The following WDR26 variants were observed in gnomAD, a reference collection of about 807,000 sequenced individuals.
WDR26 encodes the protein WD repeat domain 26, also known as WD repeat-containing protein 26.
A neutral mutation model predicts 84.1 loss-of-function variants in WDR26; 5 were observed. The observed-to-expected ratio is 0.06, with a 90% CI of 0.03 to 0.13. The LOEUF is 0.13. WDR26 is among the 10% of genes least tolerant of loss of function. WDR26 has a pLI of 1.00. For missense variants in WDR26, 642 were observed against 974.9 expected, an observed-to-expected ratio of 0.66 and a Z score of 4.55; for synonymous variants, 415 against 389.6, an observed-to-expected ratio of 1.07 and a Z score of -0.77.
chr1:224,392,361 A>C (rs890602858), intron 13 of WDR26, among the ~76,000 whole-genome samples: 3 of 152,134 alleles, frequency 2.0e-5, no homozygotes, highest in African/African-American at 7.2e-5. Flanking sequence ...GTCTCAAAAA[A>C]AAAAAAGAAA....
chr1:224,422,683 C>T (rs1674097674), intron 4 of WDR26, among the ~76,000 whole-genome samples: 1 of 148,826 alleles, frequency 6.7e-6, no homozygotes, highest in Non-Finnish European at 1.5e-5. Flanking sequence ...CATTGCACCC[C>T]AGCCTGGGTG....
intron 8 of WDR26, among the ~76,000 whole-genome samples, chr1:224,402,930 TATC>T (rs1413695976): frequency 6.6e-6 from 1 of 152,222 alleles, no homozygotes; most frequent in Admixed American, 6.5e-5. Context: ...TGTTCTTAGA[TATC>T]ATAATGTTTG....
chr1:224,393,318 A>G (rs560495916), intron 13 of WDR26, among the ~76,000 whole-genome samples: 1 of 152,328 alleles, frequency 6.6e-6, no homozygotes, highest in East Asian at 1.9e-4. Flanking sequence ...CTTGGCACAC[A>G]GGTACATGAT....
At chr1:224,392,311 AGATC>A (rs1427588877) in intron 13 of WDR26, among the ~76,000 whole-genome samples, 2 of 151,918 alleles carry the variant, frequency 1.3e-5, no homozygotes, top group African/African-American at 4.8e-5. Context: ...CAGTGAGCCG[AGATC>A]GCACCACTGT....
chr1:224,389,759 G>T lies in WDR26; in HGVS notation c.*76C>A. ...GTCTGTCCAGCTATCAATCATGTTT[G>T]TTTGCACCAAATCCCAAGCCATTAA... is the stretch of plus-strand genomic sequence containing the variant. On this transcript the variant is annotated 3_prime_UTR_variant, in exon 14 of 14. Coordinates refer to ENST00000414423, the MANE Select transcript of WDR26 (RefSeq NM_001379403.1). 3 of 1,403,714 alleles carry T rather than the reference G, an allele frequency of 2.1e-6. No individual in the cohort carries two copies. Among genetic ancestry groups the T allele is most frequent in the Non-Finnish European group, 1.0e-6 (1 of 990,806 alleles). 87.0% of individuals were successfully genotyped at this position (1,403,714 alleles called of 1,614,324 possible). A position where few individuals can be genotyped will look rare whatever the true frequency, so the allele number is the denominator to read the frequency against.
chr1:224,414,168 C>T (rs1193488279), intron 6 of WDR26, among the ~76,000 whole-genome samples: 2 of 149,230 alleles, frequency 1.3e-5, no homozygotes, highest in South Asian at 2.1e-4. Flanking sequence ...TGCAGTGGCA[C>T]GATCTCGGCT....
intron 13 of WDR26, among the ~76,000 whole-genome samples, chr1:224,391,319 C>T (rs1426120467): frequency 1.0e-4 from 15 of 144,376 alleles, no homozygotes; most frequent in Admixed American, 9.2e-4. Flanking sequence ...GCCGAGATTG[C>T]GCCATTGCAC....
At chr1:224,415,755 C>A (rs978672382) in intron 6 of WDR26, among the ~76,000 whole-genome samples, 1 of 152,136 alleles carries the variant, frequency 6.6e-6, no homozygotes, top group African/African-American at 2.4e-5. Flanking sequence ...CCACTGCACC[C>A]GGCCTGGAAC....
intron 8 of WDR26, among the ~76,000 whole-genome samples, chr1:224,401,549 C>A (rs1673413106): frequency 6.6e-6 from 1 of 150,914 alleles, no homozygotes; most frequent in Non-Finnish European, 1.5e-5. Flanking sequence ...TGGTGCATGC[C>A]TATAATCCCA....
At chr1:224,403,591 A>G (rs1673476187) in intron 8 of WDR26, among the ~76,000 whole-genome samples, 2 of 152,190 alleles carry the variant, frequency 1.3e-5, no homozygotes, top group Admixed American at 6.5e-5. Flanking sequence ...ACTGAACCTA[A>G]TGCCGACTTT....
At chr1:224,425,480 G>A (rs1572210568) in intron 3 of WDR26, among the ~76,000 whole-genome samples, 1 of 152,194 alleles carries the variant, frequency 6.6e-6, no homozygotes, top group South Asian at 2.1e-4. Flanking sequence ...TTCCAGCTGT[G>A]AGACACTTTC....
At chr1:224,423,560 G>C (rs1674125828) in intron 4 of WDR26, among the ~76,000 whole-genome samples, 1 of 152,156 alleles carries the variant, frequency 6.6e-6, no homozygotes, top group African/African-American at 2.4e-5. Context: ...GCCAGCCTGG[G>C]CAACATAGCG....
intron 6 of WDR26, among the ~76,000 whole-genome samples, chr1:224,414,577 A>G (rs1421699412): frequency 6.6e-6 from 1 of 152,234 alleles, no homozygotes; most frequent in African/African-American, 2.4e-5. Flanking sequence ...TAATTTCCGA[A>G]AATAGTTTTC....
chr1:224,423,389 C>T lies in WDR26; in HGVS notation c.1064+1129G>A, dbSNP rs142319293. On this transcript the variant is annotated intron_variant, in intron 4 of 13. Transcript: ENST00000414423. ...TTTTCATTAATGCCCTTTATTCGGT[C>T]AAGGAAGTTCCTTTCTATTCCTAGT... 2.0e-3 allele frequency among the ~76,000 whole-genome samples: 310 copies of T among 152,328 alleles called. 1 individual carries two copies. Among genetic ancestry groups the T allele is most frequent in the African/African-American group, 7.2e-3 (300 of 41,576 alleles).
At chr1:224,431,189 TTAACTC>T (rs1290566034) in intron 3 of WDR26, 1 of 260,408 alleles carries the variant, frequency 3.8e-6, no homozygotes, top group African/African-American at 2.2e-5. Flanking sequence ...TAATTTATCT[TTAACTC>T]TATAAATATA....
intron 7 of WDR26, among the ~76,000 whole-genome samples, chr1:224,407,171 T>TATATATATATATATATATATAA (rs1219084363): frequency 6.4e-5 from 6 of 94,462 alleles, no homozygotes; most frequent in South Asian, 4.0e-4. Context: ...TATATATATA[T>TATATATATATATATATATATAA]AACTCAAAAA....
intron 8 of WDR26, 87 bp from the exon 9 acceptor site, chr1:224,401,156 G>A: frequency 7.4e-7 from 1 of 1,359,534 alleles, no homozygotes; most frequent in Non-Finnish European, 1.0e-6. Context: ...TGGGATGTCT[G>A]GCTGGTTTCC....
chr1:224,428,904 C>CAAAAAAAAA (rs34399474), intron 3 of WDR26, among the ~76,000 whole-genome samples: 1 of 114,764 alleles, frequency 8.7e-6, no homozygotes. Flanking sequence ...AACTCCATCT[C>CAAAAAAAAA]AAAAAAAAAA....
intron 3 of WDR26, among the ~76,000 whole-genome samples, chr1:224,426,154 G>C (rs887895880): frequency 6.6e-6 from 1 of 152,022 alleles, no homozygotes; most frequent in Non-Finnish European, 1.5e-5. Flanking sequence ...CACCGCACCC[G>C]GCCCAAAATG....
Sources: gnomAD v4.1 joint callset for allele counts (sites outside exome capture counted in the v4.1 genomes callset) on GRCh38, gnomAD v4.1.1 for gene constraint, MANE v1.5 for transcripts, NCBI Gene and HGNC (gene_info 2026-07-23, HGNC 2026-07-21) for gene names.